The following LTA4H variants were observed in gnomAD, a reference collection of about 807,000 sequenced individuals.
LTA4H encodes leukotriene A4 hydrolase.
Under a neutral mutation model 89.8 loss-of-function variants are expected in LTA4H, and 59 were observed. The observed-to-expected ratio is 0.66, with a 90% CI of 0.53 to 0.82. LTA4H has a LOEUF of 0.82. Ranked by LOEUF, LTA4H falls within the 40% of genes least tolerant of loss-of-function variation. The probability of loss-of-function intolerance (pLI) is 0.00; values close to 1 mark genes in which losing one functional copy is unlikely to be tolerated. For missense variants in LTA4H, 617 were observed against 727.0 expected (o/e 0.85, Z 1.74); for synonymous variants, 227 against 253.1 (o/e 0.90, Z 0.98).
chr12:96,038,415 C>T (rs1249797406), upstream of LTA4H, among the ~76,000 whole-genome samples: 1 of 152,086 alleles, frequency 6.6e-6, no homozygotes, highest in Non-Finnish European at 1.5e-5. Context: ...TGGCAAATGT[C>T]CTGTTGCCCA....
intron 14 of LTA4H, chr12:96,010,192 C>T (rs1950276415): frequency 6.6e-6 from 1 of 152,130 alleles, no homozygotes; most frequent in African/African-American, 2.4e-5. Context: ...TTCTTCGTGT[C>T]CTGAAACTTC....
intron 3 of LTA4H, among the ~76,000 whole-genome samples, chr12:96,025,069 G>A (rs1950498823): frequency 6.6e-6 from 1 of 152,128 alleles, no homozygotes; most frequent in South Asian, 2.1e-4. Context: ...TTGAAGCATG[G>A]AGAAACTCTT....
intron 1 of LTA4H, among the ~76,000 whole-genome samples, chr12:96,033,899 C>G (rs1313713337): frequency 1.3e-5 from 2 of 152,214 alleles, no homozygotes; most frequent in Non-Finnish European, 2.9e-5. Context: ...TTCAAGAAGA[C>G]CAAAGTGCGA....
At position 96,014,906 on chromosome 12, in the gene LTA4H, C is replaced by A; in HGVS notation, c.1153G>T (p.Glu385Ter). Residue 385 changes from glutamate to a stop codon, truncating the protein, a stop_gained, in exon 12 of 19, where the codon GAG (glutamate) becomes TAG (stop). Coordinates refer to ENST00000228740, the MANE Select transcript of LTA4H (RefSeq NM_000895.3). LOFTEE classifies it high-confidence loss of function. ...PDVAYSSVPY[E>*]KGFALLFYLE... ...TAAAAAAGTAAAGCAAAGCCCTTCT[C>A]ATAGGGAACTGAAGAATAAGCTACA... 10 of 1,613,826 alleles carry A rather than the reference C, an allele frequency of 6.2e-6. No homozygotes were observed. Among genetic ancestry groups the A allele is most frequent in the Non-Finnish European group, 8.5e-6 (10 of 1,179,844 alleles).
chr12:96,014,841 T>C lies in LTA4H; in HGVS notation c.1204+14A>G. 2 of 1,583,732 alleles carry C rather than the reference T, an allele frequency of 1.3e-6. No homozygotes were observed. Among genetic ancestry groups the C allele is most frequent in the Non-Finnish European group, 1.7e-6 (2 of 1,171,802 alleles). On this transcript the variant is annotated intron_variant, in intron 12 of 18. Coordinates refer to ENST00000228740, the MANE Select transcript of LTA4H (RefSeq NM_000895.3). ...CAAAAAGAAAAAAAAAATCATAAAA[T>C]ACCAACTACTTACCTGGTCCTCCAA... is the stretch of plus-strand genomic sequence containing the variant.
intron 2 of LTA4H, chr12:96,027,797 T>C (rs1950528885): frequency 3.9e-6 from 1 of 257,688 alleles, no homozygotes; most frequent in African/African-American, 2.3e-5. Context: ...TAGCGAAGGC[T>C]TAATGGCAAC....
At position 96,028,977 on chromosome 12, in the gene LTA4H, AG is replaced by A. The variant is rs150093666; in HGVS notation, c.290+77del. 3.3e-3 allele frequency: 4,150 copies of A among 1,270,984 alleles called. 10 individuals carry two copies. The highest frequency in any genetic ancestry group is 3.9e-3 in the Non-Finnish European group (3,743 of 952,628). 78.7% of individuals were successfully genotyped at this position (1,270,984 alleles called of 1,614,324 possible). A position where few individuals can be genotyped will look rare whatever the true frequency, so the allele number is the denominator to read the frequency against. On this transcript the variant is annotated intron_variant, in intron 2 of 18. Coordinates refer to ENST00000228740, the MANE Select transcript of LTA4H (RefSeq NM_000895.3). ...CATATTTACAAACTAAAATTTAAAA[AG>A]AAAAAATATTTAAATTAGTTAAGAA... is the stretch of plus-strand genomic sequence containing the variant.
chr12:96,037,911 G>C (rs1342079254), upstream of LTA4H, among the ~76,000 whole-genome samples: 1 of 151,996 alleles, frequency 6.6e-6, no homozygotes, highest in Non-Finnish European at 1.5e-5. Flanking sequence ...AGGATGGTCT[G>C]CATCTCCTGA....
chr12:96,026,106 T>A (rs188172735), intron 3 of LTA4H, among the ~76,000 whole-genome samples: 37 of 152,316 alleles, frequency 2.4e-4, no homozygotes, highest in Admixed American at 2.3e-3. Context: ...GACCTCTAGA[T>A]GGATTAAGTA....
chr12:96,038,793 G>A (rs1039456008), upstream of LTA4H, among the ~76,000 whole-genome samples: 2 of 146,942 alleles, frequency 1.4e-5, no homozygotes, highest in Non-Finnish European at 3.0e-5. Context: ...TATGGAGAAA[G>A]GATAGTTTGT....
At position 96,024,467 on chromosome 12, in the gene LTA4H, C is replaced by T. The variant is rs202092351; in HGVS notation, c.480+12G>A. The stretch of plus-strand genomic sequence containing the variant: ...GCATCATTTAATTGAGTTAATAATT[C>T]GTAATATTTACCTCTGCAGTATAGG... On this transcript the variant is annotated intron_variant, in intron 4 of 18. Transcript: ENST00000228740. 87 of 1,525,614 alleles carry T rather than the reference C, an allele frequency of 5.7e-5. No homozygotes were observed. The South Asian group carries it at 6.2e-4, about 11-fold the overall frequency. The allele number at this position is 1,525,614 out of a possible 1,614,324, so 94.5% of individuals were successfully genotyped here. A position where few individuals can be genotyped will look rare whatever the true frequency, so the allele number is the denominator to read the frequency against.
intron 11 of LTA4H, 108 bp from the exon 12 acceptor site, chr12:96,015,107 A>C (rs544089105): frequency 1.5e-5 from 15 of 994,426 alleles, no homozygotes; most frequent in Non-Finnish European, 2.2e-5. Flanking sequence ...CTTTAGGGGA[A>C]TCTAAAACTT....
At chr12:96,035,601 G>T, upstream of LTA4H, 2 of 1,482,118 alleles carry the variant, frequency 1.3e-6, no homozygotes, top group East Asian at 5.1e-5. Context: ...CTGAGGAGGA[G>T]GGAGAGAGGT....
chr12:96,017,201 T>C, intron 9 of LTA4H, 87 bp from the exon 10 acceptor site: 1 of 953,106 alleles, frequency 1.0e-6, no homozygotes, highest in South Asian at 1.4e-5. Flanking sequence ...TGTTATTCAA[T>C]TTTTAAAAAA....
chr12:96,013,107 G>T (rs144266343), intron 14 of LTA4H, 81 bp downstream of exon 14: 3 of 1,075,492 alleles, frequency 2.8e-6, no homozygotes, highest in East Asian at 4.8e-5. Context: ...TTTCAGGAAG[G>T]CATACTATTC....
intron 1 of LTA4H, among the ~76,000 whole-genome samples, chr12:96,031,587 A>G (rs1444904973): frequency 6.6e-6 from 1 of 152,218 alleles, no homozygotes; most frequent in African/African-American, 2.4e-5. Flanking sequence ...TCCTCTTTGA[A>G]CAATACCCTC....
intron 6 of LTA4H, among the ~76,000 whole-genome samples, chr12:96,020,054 C>T (rs768294931): frequency 1.3e-5 from 2 of 152,094 alleles, no homozygotes; most frequent in African/African-American, 4.8e-5. Context: ...CAGGCATACA[C>T]TACCATGCCC....
chr12:96,027,395 T>C (rs751235030), intron 3 of LTA4H, 49 bp downstream of exon 3: 16 of 1,540,460 alleles, frequency 1.0e-5, no homozygotes, highest in South Asian at 3.8e-5. Context: ...CATTCAACCA[T>C]AGGTGCTGAA....
chr12:96,020,863 G>A, intron 6 of LTA4H: 1 of 457,764 alleles, frequency 2.2e-6, no homozygotes, highest in Non-Finnish European at 3.9e-6. Context: ...AAAGGTAAGA[G>A]CATGCTCATT....
Sources: allele counts gnomAD v4.1 joint callset (sites outside exome capture counted in the v4.1 genomes callset), GRCh38; gene constraint gnomAD v4.1.1; transcripts MANE v1.5; gene names NCBI Gene and HGNC (gene_info 2026-07-23, HGNC 2026-07-21).